Variants in TPD52 observed in about 807,000 individuals in gnomAD.
TPD52 encodes tumor protein D52, also known as prostate and colon associated protein.
TPD52 carries 17 observed loss-of-function variants against 31.3 expected under a neutral mutation model. The ratio of observed to expected loss-of-function variants is 0.54; its 90% CI spans 0.37 to 0.82. The LOEUF is 0.82. Among genes scored for constraint, TPD52 ranks in the 40% least tolerant of loss-of-function variants. TPD52 has a pLI of 0.00. For synonymous variants in TPD52, 83 were observed against 89.6 expected (o/e 0.93, Z 0.42); for missense variants, 212 against 240.1 (o/e 0.88, Z 0.77).
At position 80,036,241 on chromosome 8, in the gene TPD52, T is replaced by A. The variant is rs1273126087; in HGVS notation, c.*1875A>T. 1 of 152,582 alleles carries A rather than the reference T, an allele frequency of 6.6e-6. No homozygotes were observed. The highest frequency in any genetic ancestry group is 2.4e-5 in the African/African-American group (1 of 41,438). 9.5% of individuals were successfully genotyped at this position (152,582 alleles called of 1,614,324 possible). A position where few individuals can be genotyped will look rare whatever the true frequency, so the allele number is the denominator to read the frequency against. Reference sequence around the variant, plus strand: ...AATTGCCACTTTACTCCATTTTGCCTTGTTGAAAAGTTAGTAGCAGGGCAG... The same window carrying A: ...AATTGCCACTTTACTCCATTTTGCCATGTTGAAAAGTTAGTAGCAGGGCAG... On this transcript the variant is annotated 3_prime_UTR_variant, in exon 8 of 8. Transcript: ENST00000518937.
intron 1 of TPD52, among the ~76,000 whole-genome samples, chr8:80,094,558 G>A (rs1271906365): frequency 7.0e-6 from 1 of 142,164 alleles, no homozygotes; most frequent in African/African-American, 2.5e-5. Flanking sequence ...AGTTACTGAT[G>A]GAAACATATT....
rs114108265 is a variant in TPD52 at position 80,128,339 on chromosome 8, T to A, written c.19+43086A>T. Among the ~76,000 whole-genome samples, 1,310 of 152,072 alleles carry A rather than the reference T, an allele frequency of 8.6e-3. 19 individuals carry two copies. The highest frequency in any genetic ancestry group is 0.03 in the African/African-American group (1,252 of 41,486). On this transcript the variant is annotated intron_variant, in intron 1 of 7. Coordinates refer to ENST00000518937, the MANE Select transcript of TPD52 (RefSeq NM_001025253.3). The stretch of plus-strand genomic sequence containing the variant: ...ATTTCAAGTACATTCTATTTTTCTG[T>A]CTATCTTGAGTGAATAGATAATAAT...
At chr8:80,086,735 G>GT (rs1815810267) in intron 1 of TPD52, among the ~76,000 whole-genome samples, 1 of 151,520 alleles carries the variant, frequency 6.6e-6, no homozygotes, top group South Asian at 2.1e-4. Context: ...TTAGCTGGTT[G>GT]GGGGGGCACG....
intron 1 of TPD52, among the ~76,000 whole-genome samples, chr8:80,072,967 G>T (rs1235171088): frequency 6.6e-6 from 1 of 151,908 alleles, no homozygotes; most frequent in East Asian, 1.9e-4. Context: ...GGCCAGGTGT[G>T]GTGGCGCACA....
intron 1 of TPD52, among the ~76,000 whole-genome samples, chr8:80,075,091 T>C (rs1295242881): frequency 2.0e-5 from 3 of 152,166 alleles, no homozygotes; most frequent in Non-Finnish European, 2.9e-5. Flanking sequence ...GCAATTCTCC[T>C]GCCTCAGCCT....
chr8:80,142,964 T>A (rs1330104103), intron 1 of TPD52, among the ~76,000 whole-genome samples: 2 of 152,094 alleles, frequency 1.3e-5, no homozygotes, highest in Admixed American at 6.5e-5. Flanking sequence ...AGTTCACCAA[T>A]CAACAGAGCA....
downstream of TPD52, chr8:80,033,301 G>A (rs1375600124): frequency 9.3e-5 from 14 of 150,156 alleles, no homozygotes; most frequent in South Asian, 4.3e-4. Context: ...GGTGACCGGC[G>A]GGGCGGGGAG....
At chr8:80,125,933 T>C (rs973531272) in intron 1 of TPD52, among the ~76,000 whole-genome samples, 2 of 152,212 alleles carry the variant, frequency 1.3e-5, no homozygotes, top group Non-Finnish European at 2.9e-5. Flanking sequence ...TAAGTGAGTA[T>C]GTGAGGAGGA....
At chr8:80,170,978 A>C in intron 1 of TPD52, 1 of 371,462 alleles carries the variant, frequency 2.7e-6, no homozygotes, top group Non-Finnish European at 5.2e-6. Flanking sequence ...ACTTAGAAGA[A>C]GGCAGAAAGT....
chr8:80,101,293 C>A lies in TPD52; in HGVS notation c.20-36700G>T, dbSNP rs148764040. 1.8e-4 allele frequency among the ~76,000 whole-genome samples: 28 copies of A among 151,932 alleles called. No homozygotes were observed. In the East Asian group the frequency reaches 4.8e-3, roughly 26 times the overall value. Reference sequence around the variant, plus strand: ...TGAAACCCCGTCTCTACTAAAAATACAAAAATTAGCCAGATGTGGTGGCAC... The same window carrying A: ...TGAAACCCCGTCTCTACTAAAAATAAAAAAATTAGCCAGATGTGGTGGCAC... On this transcript the variant is annotated intron_variant, in intron 1 of 7. Transcript: ENST00000518937.
chr8:80,059,897 A>G (rs776348749), intron 2 of TPD52, among the ~76,000 whole-genome samples: 1 of 152,030 alleles, frequency 6.6e-6, no homozygotes, highest in Non-Finnish European at 1.5e-5. Context: ...CCTGGCCAAC[A>G]TGGTGAAACC....
chr8:80,052,684 G>C, intron 3 of TPD52: 1 of 1,288,812 alleles, frequency 7.8e-7, no homozygotes, highest in African/African-American at 1.5e-5. Context: ...TCCTTGTGCC[G>C]GGAAACAAAA....
chr8:80,050,391 C>T lies in TPD52; in HGVS notation c.413+54G>A. 4 of 1,548,700 alleles carry T rather than the reference C, an allele frequency of 2.6e-6. No individual in the cohort carries two copies. In the South Asian group the frequency reaches 3.6e-5, roughly 14 times the overall value. ...ACGTAGCATGGTAATCTAATCTCAG[C>T]ACACTTTTCTTATACAACTGCTGGA... On this transcript the variant is annotated intron_variant, in intron 5 of 7. Transcript: ENST00000518937.
chr8:80,131,278 C>T (rs899057297), intron 1 of TPD52, among the ~76,000 whole-genome samples: 5 of 152,292 alleles, frequency 3.3e-5, no homozygotes, highest in Middle Eastern at 3.4e-3. Context: ...TCCAACGATT[C>T]CATCTGCCTG....
chr8:80,075,192 T>G (rs893354483), intron 1 of TPD52, among the ~76,000 whole-genome samples: 1 of 152,114 alleles, frequency 6.6e-6, no homozygotes, highest in Non-Finnish European at 1.5e-5. Context: ...TTGGCCAGGA[T>G]GGTCTCAATC....
At chr8:80,079,058 T>G (rs1222101460) in intron 1 of TPD52, among the ~76,000 whole-genome samples, 3 of 152,044 alleles carry the variant, frequency 2.0e-5, no homozygotes, top group Non-Finnish European at 4.4e-5. Context: ...GTTCCCTCCC[T>G]CCCCCGCAAG....
chr8:80,138,194 C>T (rs1809571957), intron 1 of TPD52, among the ~76,000 whole-genome samples: 1 of 152,152 alleles, frequency 6.6e-6, no homozygotes, highest in African/African-American at 2.4e-5. Flanking sequence ...CCGCTCGCCT[C>T]AGCCTCCCAA....
chr8:80,097,643 G>A (rs1469411454), intron 1 of TPD52, among the ~76,000 whole-genome samples: 2 of 152,096 alleles, frequency 1.3e-5, no homozygotes, highest in Admixed American at 1.3e-4. Flanking sequence ...AGTTTCCTGA[G>A]GCCTCCCCAG....
chr8:80,106,333 G>C (rs1361138937), intron 1 of TPD52, among the ~76,000 whole-genome samples: 1 of 152,136 alleles, frequency 6.6e-6, no homozygotes, highest in African/African-American at 2.4e-5. Flanking sequence ...CTATCAAACA[G>C]TAGGTTTATT....
Sources: gnomAD v4.1 joint callset for allele counts (sites outside exome capture counted in the v4.1 genomes callset) on GRCh38, gnomAD v4.1.1 for gene constraint, MANE v1.5 for transcripts, NCBI Gene and HGNC (gene_info 2026-07-23, HGNC 2026-07-21) for gene names.